Variants in DNAH11 observed in about 807,000 individuals in gnomAD.
The protein encoded by DNAH11 is axonemal beta dynein heavy chain 11.
Under a neutral mutation model 526.0 loss-of-function variants are expected in DNAH11, and 442 were observed. The ratio of observed to expected loss-of-function variants is 0.84; its 90% CI spans 0.78 to 0.91. The LOEUF is 0.91. Ranked by LOEUF, DNAH11 falls within the 40% of genes least tolerant of loss-of-function variation. The pLI is 0.00. For synonymous variants in DNAH11, 2,461 were observed against 1,935.9 expected, an observed-to-expected ratio of 1.27 and a Z score of -7.12; for missense variants, 6,989 against 5,448.7, an observed-to-expected ratio of 1.28 and a Z score of -8.90.
In DNAH11 at chr7:21,744,980, G is replaced by T. The variant is rs745714334; in HGVS notation, c.8427G>T (p.Thr2809=). 19 of 1,610,000 alleles carry T rather than the reference G, an allele frequency of 1.2e-5. No individual in the cohort carries two copies. Among genetic ancestry groups the T allele is most frequent in the Non-Finnish European group, 1.6e-5 (19 of 1,178,068 alleles). ...MPVKDWEVLK[T]ILTETLDNYN... ...TGAAGGACTGGGAAGTGCTGAAGAC[G>T]ATTCTTACAGAAACGTTAGACAACT... The change falls in exon 51 of 82, where the codon ACG becomes ACT. Residue 2809 remains threonine, a synonymous_variant. Coordinates refer to ENST00000409508, the MANE Select transcript of DNAH11 (RefSeq NM_001277115.2).
At chr7:21,758,772 G>A (rs151202746) in intron 54 of DNAH11, among the ~76,000 whole-genome samples, 74 of 152,318 alleles carry the variant, frequency 4.9e-4, no homozygotes, top group African/African-American at 1.8e-3. Context: ...ATCACTGTAC[G>A]TTGAATAGCC....
rs1278777268 is a variant in DNAH11 at position 21,900,058 on chromosome 7, CAAAG to C, written c.13242_13245del (p.Glu4416IlefsTer69). 11 of 1,613,892 alleles carry C rather than the reference CAAAG, an allele frequency of 6.8e-6. No individual in the cohort carries two copies. Among genetic ancestry groups the C allele is most frequent in the Non-Finnish European group, 8.5e-6 (10 of 1,179,846 alleles). ...TTGACTGCTGATGTTACCAAAAAAACAAAGGAAGATTATGGACACCCGCCAAGGG... is the reference window on the plus strand; with the variant it reads ...TTGACTGCTGATGTTACCAAAAAAACGAAGATTATGGACACCCGCCAAGGG... On this transcript the variant is annotated frameshift_variant, in exon 81 of 82. Coordinates refer to ENST00000409508, the MANE Select transcript of DNAH11 (RefSeq NM_001277115.2). LOFTEE classifies it high-confidence loss of function.
intron 9 of DNAH11, among the ~76,000 whole-genome samples, chr7:21,584,248 A>G (rs1002153898): frequency 6.6e-6 from 1 of 152,240 alleles, no homozygotes; most frequent in African/African-American, 2.4e-5. Flanking sequence ...CTATGCAGCC[A>G]TAAAGAAGAA....
Position 21,895,007 on chromosome 7 carries a change from AC to A in DNAH11, c.13049+12del. On this transcript the variant is annotated intron_variant, in intron 79 of 81. Transcript: ENST00000409508. The stretch of plus-strand genomic sequence containing the variant: ...TTATGGCCTAGCCCAGTGGTAAGCT[AC>A]CCCATCCTCACTGCCACTGGCCCTG... The A allele has an allele frequency of 6.2e-7, 1 of 1,611,820 alleles. No homozygotes were observed. Among genetic ancestry groups the A allele is most frequent in the Middle Eastern group, 1.7e-4 (1 of 5,834 alleles).
intron 28 of DNAH11, among the ~76,000 whole-genome samples, chr7:21,651,927 GC>G (rs1366816787): frequency 6.6e-6 from 1 of 152,194 alleles, no homozygotes; most frequent in Non-Finnish European, 1.5e-5. Flanking sequence ...CCACTGTGCT[GC>G]TTTTACTCAC....
chr7:21,627,665 G>A (rs960273660), intron 25 of DNAH11, among the ~76,000 whole-genome samples: 1 of 152,120 alleles, frequency 6.6e-6, no homozygotes, highest in African/African-American at 2.4e-5. Context: ...GTACTATGCT[G>A]ATTTGGTTAC....
At chr7:21,561,965 A>G (rs1408381201) in intron 5 of DNAH11, among the ~76,000 whole-genome samples, 1 of 152,216 alleles carries the variant, frequency 6.6e-6, no homozygotes, top group African/African-American at 2.4e-5. Context: ...AAATGTTTTA[A>G]TACATCTTTA....
chr7:21,760,047 C>T (rs982002574), intron 54 of DNAH11, among the ~76,000 whole-genome samples: 6 of 151,296 alleles, frequency 4.0e-5, no homozygotes, highest in Non-Finnish European at 5.9e-5. Context: ...TATTTTTTCA[C>T]GGACTTTCTA....
chr7:21,653,697 G>A (rs941944395), intron 28 of DNAH11, among the ~76,000 whole-genome samples: 3 of 152,158 alleles, frequency 2.0e-5, no homozygotes, highest in Non-Finnish European at 4.4e-5. Flanking sequence ...GAGGAGAATA[G>A]AACCCAAGCT....
chr7:21,662,441 A>G (rs933363766), intron 30 of DNAH11, among the ~76,000 whole-genome samples: 10 of 152,132 alleles, frequency 6.6e-5, no homozygotes, highest in Admixed American at 5.9e-4. Flanking sequence ...AGTTGCAGAT[A>G]CCATAATCTT....
intron 28 of DNAH11, among the ~76,000 whole-genome samples, chr7:21,652,205 C>G (rs1781806781): frequency 1.3e-5 from 2 of 152,112 alleles, no homozygotes; most frequent in Non-Finnish European, 2.9e-5. Context: ...TAAACGACAA[C>G]AGTGGTTTTG....
chr7:21,555,384 T>A (rs567939162), intron 2 of DNAH11, among the ~76,000 whole-genome samples: 86 of 152,334 alleles, frequency 5.6e-4, no homozygotes, highest in Non-Finnish European at 1.3e-4. Flanking sequence ...TCTCTTTGGC[T>A]CCCTCTTTCC....
At chr7:21,669,655 TTTTG>T (rs1011009363) in intron 30 of DNAH11, among the ~76,000 whole-genome samples, 36 of 100,104 alleles carry the variant, frequency 3.6e-4, no homozygotes, top group African/African-American at 1.0e-3. Context: ...ATGTTTTTCT[TTTTG>T]TGTGTGTGTG....
At chr7:21,625,546 T>A (rs1414626713) in intron 25 of DNAH11, among the ~76,000 whole-genome samples, 2 of 152,148 alleles carry the variant, frequency 1.3e-5, no homozygotes, top group Non-Finnish European at 2.9e-5. Context: ...CTATTGATTG[T>A]GGGCTTAGTT....
chr7:21,549,319 C>A (rs1277121933), intron 2 of DNAH11, among the ~76,000 whole-genome samples: 1 of 152,188 alleles, frequency 6.6e-6, no homozygotes, highest in African/African-American at 2.4e-5. Context: ...ACAGCACATG[C>A]ATAACACTTA....
chr7:21,765,339 A>T, intron 54 of DNAH11, 89 bp from the exon 55 acceptor site: 1 of 1,573,834 alleles, frequency 6.4e-7, no homozygotes, highest in South Asian at 1.1e-5. Context: ...AGTTGGCTGC[A>T]CTCCTTTCTC....
intron 44 of DNAH11, among the ~76,000 whole-genome samples, chr7:21,723,991 C>T (rs903586987): frequency 3.3e-5 from 5 of 152,220 alleles, no homozygotes; most frequent in Non-Finnish European, 7.3e-5. Flanking sequence ...TGTTCCTCTC[C>T]TCTATGTTCC....
At chr7:21,569,935 G>GTTTT (rs1428320132) in intron 6 of DNAH11, 134 bp from the exon 7 acceptor site, 2 of 671,152 alleles carry the variant, frequency 3.0e-6, no homozygotes, top group Non-Finnish European at 4.9e-6. Flanking sequence ...TAGAACTTGT[G>GTTTT]CTTTCTTTCT....
intron 40 of DNAH11, among the ~76,000 whole-genome samples, chr7:21,709,910 A>C (rs1242906034): frequency 6.6e-6 from 1 of 152,206 alleles, no homozygotes; most frequent in African/African-American, 2.4e-5. Flanking sequence ...TTTGCTCACA[A>C]TGCTATTAGA....
Sources: allele counts gnomAD v4.1 joint callset (sites outside exome capture counted in the v4.1 genomes callset), GRCh38; gene constraint gnomAD v4.1.1; transcripts MANE v1.5; gene names NCBI Gene and HGNC (gene_info 2026-07-23, HGNC 2026-07-21).